Variants in LNX1 observed in about 807,000 individuals in gnomAD.
LNX1 encodes E3 ubiquitin-protein ligase LNX.
Under a neutral mutation model 68.4 loss-of-function variants are expected in LNX1, and 54 were observed. That is an observed-to-expected ratio of 0.79 (90% CI 0.63 to 0.99). The LOEUF is 0.99. Ranked by LOEUF, LNX1 falls within the 50% of genes least tolerant of loss-of-function variation. LNX1 has a pLI of 0.00. For synonymous variants in LNX1, 336 were observed against 350.0 expected (o/e 0.96, Z 0.45); for missense variants, 906 against 926.4 (o/e 0.98, Z 0.29).
At chr4:53,472,352 G>T (rs1723256200) in intron 9 of LNX1, among the ~76,000 whole-genome samples, 1 of 152,076 alleles carries the variant, frequency 6.6e-6, no homozygotes, top group African/African-American at 2.4e-5. Context: ...TTGGGGGATG[G>T]GGGAGGGATA....
intron 2 of LNX1, among the ~76,000 whole-genome samples, chr4:53,614,518 T>C (rs1733614139): frequency 6.6e-6 from 1 of 152,094 alleles, no homozygotes; most frequent in African/African-American, 2.4e-5. Context: ...TTTCTAGGGG[T>C]GTCAGGTTCC....
At chr4:53,526,878 G>T (rs572612642) in intron 2 of LNX1, among the ~76,000 whole-genome samples, 1 of 152,000 alleles carries the variant, frequency 6.6e-6, no homozygotes, top group Admixed American at 6.6e-5. Flanking sequence ...CCAGCAGCTG[G>T]CTCCACAGAA....
intron 5 of LNX1, among the ~76,000 whole-genome samples, chr4:53,496,773 A>G (rs1725095865): frequency 6.6e-6 from 1 of 152,234 alleles, no homozygotes; most frequent in Admixed American, 6.5e-5. Context: ...CCTCAGTCAA[A>G]TGATTGCATT....
chr4:53,472,612 G>A (rs1248505552), intron 9 of LNX1, among the ~76,000 whole-genome samples: 2 of 144,520 alleles, frequency 1.4e-5, no homozygotes, highest in Non-Finnish European at 3.0e-5. Context: ...TTTGAAAAAG[G>A]TACAAATTTT....
At chr4:53,574,146 A>C in intron 1 of LNX1, 58 bp from the exon 2 acceptor site, 1 of 1,259,772 alleles carries the variant, frequency 7.9e-7, no homozygotes, top group Middle Eastern at 2.8e-4. Flanking sequence ...GCTTATGCTT[A>C]TGGTAGACAT....
upstream of LNX1, among the ~76,000 whole-genome samples, chr4:53,622,210 C>T (rs188030174): frequency 2.6e-5 from 4 of 152,178 alleles, no homozygotes; most frequent in Admixed American, 6.6e-5. Context: ...GAAAGATGTA[C>T]GTATGTCATA....
chr4:53,557,356 C>T (rs560926648), intron 2 of LNX1, among the ~76,000 whole-genome samples: 9 of 152,178 alleles, frequency 5.9e-5, no homozygotes, highest in Middle Eastern at 3.4e-3. Context: ...CATGTTTCTT[C>T]GTATCCCATA....
Position 53,460,050 on chromosome 4 carries a change from GAAAT to G in LNX1, c.*853_*856del, listed in dbSNP as rs987588179. ...TATAAGGCATCTGGGTGGCCTCTAT[GAAAT>G]AAATTAATTAATTACCCATAGTGTA... is the stretch of plus-strand genomic sequence containing the variant. On this transcript the variant is annotated 3_prime_UTR_variant, in exon 11 of 11. Transcript: ENST00000263925. The G allele has an allele frequency of 1.9e-5, 2 of 103,886 alleles. No individual in the cohort carries two copies. The highest frequency in any genetic ancestry group is 4.3e-4 in the South Asian group (1 of 2,350). The allele number at this position is 103,886 out of a possible 1,614,324, so 6.4% of individuals were successfully genotyped here.
intron 1 of LNX1, among the ~76,000 whole-genome samples, chr4:53,583,061 T>TTAATCTTTC (rs1560680518): frequency 2.5e-4 from 38 of 152,232 alleles, no homozygotes; most frequent in African/African-American, 8.2e-4. Flanking sequence ...TCTATCTTTC[T>TTAATCTTTC]GTATTAAACA....
At chr4:53,508,453 A>G in intron 2 of LNX1, 3 of 546,956 alleles carry the variant, frequency 5.5e-6, no homozygotes, top group East Asian at 3.2e-5. Context: ...CGCCCACTGC[A>G]TTCTCTTAAA....
chr4:53,555,757 G>A (rs1269414501), intron 2 of LNX1, among the ~76,000 whole-genome samples: 1 of 151,960 alleles, frequency 6.6e-6, no homozygotes, highest in Non-Finnish European at 1.5e-5. Flanking sequence ...GATAAATGTG[G>A]AAACACCATC....
intron 2 of LNX1, among the ~76,000 whole-genome samples, chr4:53,522,717 G>A (rs1259681372): frequency 6.6e-6 from 1 of 152,086 alleles, no homozygotes; most frequent in African/African-American, 2.4e-5. Context: ...AGTAATTGAG[G>A]CTCAGAGAAG....
At chr4:53,637,301 A>G (rs1460965044) in intron 1 of LNX1, among the ~76,000 whole-genome samples, 1 of 152,052 alleles carries the variant, frequency 6.6e-6, no homozygotes, top group African/African-American at 2.4e-5. Context: ...CTTTCCAATG[A>G]CACAAGATTT....
intron 9 of LNX1, among the ~76,000 whole-genome samples, chr4:53,468,605 G>A (rs1311045883): frequency 1.3e-5 from 2 of 152,146 alleles, no homozygotes; most frequent in African/African-American, 4.8e-5. Context: ...CATCTCAAGT[G>A]CAGAGACACA....
At chr4:53,620,867 C>T (rs746038654), upstream of LNX1, among the ~76,000 whole-genome samples, 6 of 152,150 alleles carry the variant, frequency 3.9e-5, no homozygotes, top group Non-Finnish European at 5.9e-5. Flanking sequence ...GTTCGCCACT[C>T]AGGGAAGGAT....
At chr4:53,511,593 C>A (rs887139642) in intron 2 of LNX1, among the ~76,000 whole-genome samples, 1 of 152,124 alleles carries the variant, frequency 6.6e-6, no homozygotes, top group Non-Finnish European at 1.5e-5. Flanking sequence ...AGATCCTGAG[C>A]TCTTTTATCA....
chr4:53,498,622 C>A lies in LNX1; in HGVS notation c.978+19G>T. 1 of 1,603,858 alleles carries A rather than the reference C, an allele frequency of 6.2e-7. No individual in the cohort carries two copies. Among genetic ancestry groups the A allele is most frequent in the Non-Finnish European group, 8.5e-7 (1 of 1,170,668 alleles). On this transcript the variant is annotated intron_variant, in intron 5 of 10. Transcript: ENST00000263925. ...TTATATCAAGCCCCTTGCTGCAGCC[C>A]CACAGCCACAGTCTCTACCTTTAGA...
intron 2 of LNX1, among the ~76,000 whole-genome samples, chr4:53,513,312 A>G (rs1172122180): frequency 6.6e-6 from 1 of 152,066 alleles, no homozygotes; most frequent in Non-Finnish European, 1.5e-5. Flanking sequence ...CACTTGTCCT[A>G]TTAGTTATAC....
intron 2 of LNX1, among the ~76,000 whole-genome samples, chr4:53,570,653 T>C (rs1731085533): frequency 1.4e-5 from 2 of 139,298 alleles, no homozygotes; most frequent in Non-Finnish European, 3.1e-5. Flanking sequence ...ACCCTAAAAC[T>C]TAAAGTATAA....
Sources: gnomAD v4.1 joint callset for allele counts (sites outside exome capture counted in the v4.1 genomes callset) on GRCh38, gnomAD v4.1.1 for gene constraint, MANE v1.5 for transcripts, NCBI Gene and HGNC (gene_info 2026-07-23, HGNC 2026-07-21) for gene names.